The following AGBL4 variants were observed in gnomAD, a reference collection of about 807,000 sequenced individuals.
AGBL4 encodes the protein cytosolic carboxypeptidase 6.
In AGBL4, 58 loss-of-function variants were observed where a neutral mutation model predicts 66.4. The ratio of observed to expected loss-of-function variants is 0.87; its 90% CI spans 0.71 to 1.09. AGBL4 has a LOEUF of 1.09. Ranked by LOEUF, AGBL4 falls within the 50% of genes least tolerant of loss-of-function variation. The probability of loss-of-function intolerance (pLI) is 0.00; values close to 1 mark genes in which losing one functional copy is unlikely to be tolerated. For missense variants in AGBL4, 579 were observed against 631.0 expected (o/e 0.92, Z 0.88); for synonymous variants, 234 against 222.9 (o/e 1.05, Z -0.44).
chr1:49,229,772 G>A (rs551676463), intron 4 of AGBL4, among the ~76,000 whole-genome samples: 2 of 152,238 alleles, frequency 1.3e-5, no homozygotes, highest in South Asian at 4.1e-4. Flanking sequence ...CACTGGCTGG[G>A]GCTGGCTGTC....
At chr1:48,759,610 C>T (rs1644146630) in intron 6 of AGBL4, among the ~76,000 whole-genome samples, 1 of 152,236 alleles carries the variant, frequency 6.6e-6, no homozygotes, top group Non-Finnish European at 1.5e-5. Context: ...TCCCCAGGCC[C>T]CAGCCCACCC....
At chr1:49,917,738 T>C (rs1363289566) in intron 1 of AGBL4, among the ~76,000 whole-genome samples, 2 of 152,162 alleles carry the variant, frequency 1.3e-5, no homozygotes, top group Admixed American at 6.5e-5. Flanking sequence ...GCAGACCTAA[T>C]AGACATCTAC....
chr1:49,539,766 G>A (rs1213174856), intron 3 of AGBL4, among the ~76,000 whole-genome samples: 1 of 152,212 alleles, frequency 6.6e-6, no homozygotes, highest in Non-Finnish European at 1.5e-5. Context: ...AGTAGCCAAA[G>A]AAGGCTTGCC....
intron 5 of AGBL4, among the ~76,000 whole-genome samples, chr1:48,871,659 G>A (rs141937634): frequency 6.3e-4 from 96 of 152,212 alleles, no homozygotes; most frequent in African/African-American, 2.3e-3. Context: ...ACTGTGTGGT[G>A]AATGCTGAGT....
At chr1:49,208,716 C>T (rs752697622) in intron 4 of AGBL4, among the ~76,000 whole-genome samples, 4 of 152,042 alleles carry the variant, frequency 2.6e-5, no homozygotes, top group Admixed American at 2.0e-4. Context: ...AGCAGATTTA[C>T]TTAAATATAT....
intron 3 of AGBL4, among the ~76,000 whole-genome samples, chr1:49,672,350 G>T (rs370289510): frequency 6.6e-6 from 1 of 151,720 alleles, no homozygotes; most frequent in East Asian, 2.0e-4. Flanking sequence ...GAGGGGGGAG[G>T]GTGGGAGGAG....
intron 6 of AGBL4, among the ~76,000 whole-genome samples, chr1:48,705,821 TAA>T (rs920970137): frequency 3.3e-5 from 5 of 151,742 alleles, no homozygotes; most frequent in African/African-American, 1.2e-4. Flanking sequence ...TTGATGGTGT[TAA>T]GTTGATAAAA....
intron 2 of AGBL4, among the ~76,000 whole-genome samples, chr1:49,824,856 G>T (rs1645466400): frequency 6.6e-6 from 1 of 152,184 alleles, no homozygotes; most frequent in Non-Finnish European, 1.5e-5. Context: ...ATCATAAGAT[G>T]CGTGGGCTTC....
intron 5 of AGBL4, among the ~76,000 whole-genome samples, chr1:48,996,265 T>C (rs1660984846): frequency 6.6e-6 from 1 of 152,180 alleles, no homozygotes; most frequent in African/African-American, 2.4e-5. Flanking sequence ...CAGGAGAAGT[T>C]AAGGTTGAAA....
intron 1 of AGBL4, among the ~76,000 whole-genome samples, chr1:49,992,061 G>T (rs564593279): frequency 1.3e-5 from 2 of 152,266 alleles, no homozygotes; most frequent in Admixed American, 1.3e-4. Flanking sequence ...ATCACAACCA[G>T]TCATCAAGAA....
intron 4 of AGBL4, among the ~76,000 whole-genome samples, chr1:49,068,360 C>G (rs1264774059): frequency 6.6e-6 from 1 of 151,864 alleles, no homozygotes; most frequent in Non-Finnish European, 1.5e-5. Context: ...AGGTATTTCT[C>G]CTAATGCTAT....
At chr1:49,375,429 A>G (rs576584960) in intron 3 of AGBL4, among the ~76,000 whole-genome samples, 1 of 152,162 alleles carries the variant, frequency 6.6e-6, no homozygotes, top group East Asian at 1.9e-4. Flanking sequence ...GGCCACCTTT[A>G]CCAACCTTGA....
intron 3 of AGBL4, among the ~76,000 whole-genome samples, chr1:49,409,032 A>AC (rs1645261925): frequency 6.6e-6 from 1 of 151,776 alleles, no homozygotes; most frequent in Admixed American, 6.6e-5. Flanking sequence ...TAAACAATAT[A>AC]CCCTAGTCAC....
chr1:49,733,062 A>G (rs576869233), intron 2 of AGBL4, among the ~76,000 whole-genome samples: 1 of 152,328 alleles, frequency 6.6e-6, no homozygotes, highest in South Asian at 2.1e-4. Context: ...TATCACATAC[A>G]AAGAACCCCA....
intron 3 of AGBL4, among the ~76,000 whole-genome samples, chr1:49,470,761 A>G (rs947344166): frequency 6.6e-6 from 1 of 152,068 alleles, no homozygotes; most frequent in Admixed American, 6.6e-5. Flanking sequence ...CTTAATTTGC[A>G]TACAATTGAA....
At chr1:49,186,221 C>A (rs781428181) in intron 4 of AGBL4, among the ~76,000 whole-genome samples, 3 of 152,146 alleles carry the variant, frequency 2.0e-5, no homozygotes, top group Admixed American at 6.5e-5. Flanking sequence ...TATTCATATG[C>A]CCCTCTCCCT....
chr1:49,266,608 A>AAC lies in AGBL4; in HGVS notation c.283-20746_283-20745dup, dbSNP rs71307610. 5.4e-3 allele frequency among the ~76,000 whole-genome samples: 812 copies of AAC among 149,412 alleles called. 7 individuals carry two copies. The highest frequency in any genetic ancestry group is 0.013 in the African/African-American group (526 of 40,686). On this transcript the variant is annotated intron_variant, in intron 3 of 13. Transcript: ENST00000371839. ...CCTTAAGTGAGGAAAATAAACCTGT[A>AAC]ACACACACACACACACACACACGCG... is the stretch of plus-strand genomic sequence containing the variant.
intron 6 of AGBL4, among the ~76,000 whole-genome samples, chr1:48,717,696 T>C (rs1175338268): frequency 6.6e-6 from 1 of 152,202 alleles, no homozygotes; most frequent in South Asian, 2.1e-4. Context: ...CTTTGCCATA[T>C]AGCACAGGGC....
chr1:49,599,766 C>T (rs1477638087), intron 3 of AGBL4, among the ~76,000 whole-genome samples: 1 of 152,172 alleles, frequency 6.6e-6, no homozygotes, highest in Non-Finnish European at 1.5e-5. Flanking sequence ...ATAAATTTCC[C>T]TCTAAACAAT....
Sources: gnomAD v4.1 joint callset for allele counts (sites outside exome capture counted in the v4.1 genomes callset) on GRCh38, gnomAD v4.1.1 for gene constraint, MANE v1.5 for transcripts, NCBI Gene and HGNC (gene_info 2026-07-23, HGNC 2026-07-21) for gene names.